RSRC1: variants seen among roughly 807,000 people sequenced by gnomAD.
The protein encoded by RSRC1 is serine/Arginine-related protein 53.
A neutral mutation model predicts 49.1 loss-of-function variants in RSRC1; 39 were observed. That is an observed-to-expected ratio of 0.79 (90% confidence interval 0.61 to 1.04). The LOEUF is 1.04. RSRC1 is among the 50% of genes least tolerant of loss of function. RSRC1 has a pLI of 0.00. For missense variants in RSRC1, 388 were observed against 402.4 expected (o/e 0.96, Z 0.31); for synonymous variants, 143 against 130.8 (o/e 1.09, Z -0.63).
chr3:158,285,337 A>G (rs563161226), intron 4 of RSRC1, among the ~76,000 whole-genome samples: 92 of 152,318 alleles, frequency 6.0e-4, no homozygotes, highest in African/African-American at 2.2e-3. Flanking sequence ...TGATGCCTCC[A>G]GCTTTGTTCT....
At chr3:158,186,293 C>T (rs1323538128) in intron 3 of RSRC1, among the ~76,000 whole-genome samples, 4 of 151,948 alleles carry the variant, frequency 2.6e-5, no homozygotes, top group Non-Finnish European at 5.9e-5. Context: ...GTTCAGAATA[C>T]ATATGGCCCT....
intron 4 of RSRC1, among the ~76,000 whole-genome samples, chr3:158,243,611 A>G (rs1248000068): frequency 2.0e-5 from 3 of 152,174 alleles, no homozygotes; most frequent in African/African-American, 7.2e-5. Flanking sequence ...TAGCAATAGC[A>G]CTGAATCTAT....
chr3:158,177,180 T>C (rs538414291), intron 3 of RSRC1, among the ~76,000 whole-genome samples: 1 of 152,312 alleles, frequency 6.6e-6, no homozygotes, highest in South Asian at 2.1e-4. Context: ...AGGAACACTT[T>C]TACATTGTTG....
At chr3:158,323,755 A>G (rs1473713327) in intron 5 of RSRC1, among the ~76,000 whole-genome samples, 1 of 152,046 alleles carries the variant, frequency 6.6e-6, no homozygotes, top group African/African-American at 2.4e-5. Context: ...GCCTTTGGTT[A>G]TTTCCTAATG....
At chr3:158,403,524 C>G (rs1160002274) in intron 6 of RSRC1, among the ~76,000 whole-genome samples, 1 of 151,686 alleles carries the variant, frequency 6.6e-6, no homozygotes, top group African/African-American at 2.4e-5. Flanking sequence ...CCACTTCAAA[C>G]TTTATTTTAA....
chr3:158,218,742 G>A (rs1722083302), intron 4 of RSRC1, among the ~76,000 whole-genome samples: 1 of 151,598 alleles, frequency 6.6e-6, no homozygotes, highest in South Asian at 2.1e-4. Flanking sequence ...GGAGGCTGCA[G>A]TAACCCAAGC....
chr3:158,135,190 C>G (rs912763516), intron 3 of RSRC1, among the ~76,000 whole-genome samples: 1 of 152,012 alleles, frequency 6.6e-6, no homozygotes, highest in Non-Finnish European at 1.5e-5. Flanking sequence ...GTGCTGTTTA[C>G]TGCCACATGT....
intron 3 of RSRC1, among the ~76,000 whole-genome samples, chr3:158,195,983 T>C (rs1393502380): frequency 6.6e-6 from 1 of 152,150 alleles, no homozygotes; most frequent in Non-Finnish European, 1.5e-5. Context: ...CGATGCGGGC[T>C]CTTTTTTGGT....
chr3:158,195,902 C>T (rs1251621696), intron 3 of RSRC1, among the ~76,000 whole-genome samples: 1 of 151,842 alleles, frequency 6.6e-6, no homozygotes, highest in Non-Finnish European at 1.5e-5. Context: ...TTACTGTAGC[C>T]TTGTAGTATA....
chr3:158,138,660 A>G (rs1716553757), intron 3 of RSRC1, among the ~76,000 whole-genome samples: 1 of 152,170 alleles, frequency 6.6e-6, no homozygotes, highest in African/African-American at 2.4e-5. Flanking sequence ...TTTTCTCTAT[A>G]TCTTTGTTTA....
intron 4 of RSRC1, among the ~76,000 whole-genome samples, chr3:158,257,162 G>A (rs1559964690): frequency 6.6e-6 from 1 of 152,210 alleles, no homozygotes; most frequent in East Asian, 1.9e-4. Context: ...TAATTGTGAT[G>A]TTAGGGTGTC....
intron 7 of RSRC1, among the ~76,000 whole-genome samples, chr3:158,516,801 C>T (rs367727599): frequency 1.2e-4 from 19 of 152,310 alleles, no homozygotes; most frequent in South Asian, 1.0e-3. Context: ...TCTCCTGGTG[C>T]GCTATTTTTT....
intron 7 of RSRC1, among the ~76,000 whole-genome samples, chr3:158,507,240 A>G (rs1458167251): frequency 6.6e-6 from 1 of 152,156 alleles, no homozygotes; most frequent in East Asian, 1.9e-4. Context: ...GAGGCTGAGA[A>G]CAGTGGAGGA....
chr3:158,408,197 G>C (rs79008363), intron 6 of RSRC1, among the ~76,000 whole-genome samples: 1 of 152,136 alleles, frequency 6.6e-6, no homozygotes, highest in South Asian at 2.1e-4. Flanking sequence ...CGTTCACTGA[G>C]CCATTATTAA....
At chr3:158,343,632 T>TA (rs1408470121) in intron 5 of RSRC1, among the ~76,000 whole-genome samples, 36 of 152,148 alleles carry the variant, frequency 2.4e-4, no homozygotes, top group African/African-American at 7.7e-4. Flanking sequence ...GAAACTATTT[T>TA]AAAAAACACA....
intron 3 of RSRC1, among the ~76,000 whole-genome samples, chr3:158,159,608 A>T (rs1272638960): frequency 2.0e-5 from 3 of 152,236 alleles, no homozygotes; most frequent in African/African-American, 7.2e-5. Context: ...GAGTAGTAGA[A>T]CTCAAATGAA....
At chr3:158,114,280 C>G (rs1714636607) in intron 1 of RSRC1, among the ~76,000 whole-genome samples, 1 of 152,092 alleles carries the variant, frequency 6.6e-6, no homozygotes, top group South Asian at 2.1e-4. Flanking sequence ...TTGTTTTTGT[C>G]AGGTTTGTCA....
chr3:158,222,014 C>T (rs1722249416), intron 4 of RSRC1, among the ~76,000 whole-genome samples: 1 of 151,344 alleles, frequency 6.6e-6, no homozygotes, highest in Non-Finnish European at 1.5e-5. Flanking sequence ...CCTAATGTAT[C>T]CATGAAAGTT....
At chr3:158,402,265 C>A (rs1733930493) in intron 6 of RSRC1, among the ~76,000 whole-genome samples, 1 of 151,538 alleles carries the variant, frequency 6.6e-6, no homozygotes, top group South Asian at 2.1e-4. Flanking sequence ...GGGTTTTTTC[C>A]CCCTTTCTAC....
Sources: gnomAD v4.1 joint callset for allele counts (sites outside exome capture counted in the v4.1 genomes callset) on GRCh38, gnomAD v4.1.1 for gene constraint, MANE v1.5 for transcripts, NCBI Gene and HGNC (gene_info 2026-07-23, HGNC 2026-07-21) for gene names.